The following SNAPC5 variants were observed in gnomAD, a reference collection of about 807,000 sequenced individuals.
SNAPC5 encodes the protein snRNA-activating protein complex subunit 5.
Under a neutral mutation model 9.1 loss-of-function variants are expected in SNAPC5, and 12 were observed. The observed-to-expected ratio is 1.32, with a 90% CI of 0.85 to 2.15. The LOEUF (loss-of-function observed/expected upper bound fraction) is 2.15, where lower values mean the gene tolerates loss of function less well. Ranked by LOEUF, SNAPC5 falls within the 30% of genes most tolerant of loss-of-function variation. The pLI, the probability that SNAPC5 is intolerant of heterozygous loss-of-function variation, is 0.00. For synonymous variants in SNAPC5, 52 were observed against 47.3 expected, an observed-to-expected ratio of 1.10 and a Z score of -0.41; for missense variants, 132 against 114.4, an observed-to-expected ratio of 1.15 and a Z score of -0.70.
chr15:66,491,425 G>A (rs545708663), downstream of SNAPC5: 4 of 228,146 alleles, frequency 1.8e-5, no homozygotes, highest in South Asian at 3.6e-4. Flanking sequence ...TGTAAACAAC[G>A]TGTATAGTGC....
intron 1 of SNAPC5, among the ~76,000 whole-genome samples, chr15:66,496,721 TGGCTCAC>T (rs1035071281): frequency 2.6e-5 from 4 of 152,176 alleles, no homozygotes; most frequent in African/African-American, 9.6e-5. Context: ...CCGGCCGCAG[TGGCTCAC>T]GCCTGTAATC....
At chr15:66,497,042 A>G (rs1228684934) in intron 1 of SNAPC5, 1 of 156,988 alleles carries the variant, frequency 6.4e-6, no homozygotes, top group African/African-American at 2.4e-5. Flanking sequence ...GAGGGGCTGC[A>G]TTAAGCACAG....
At position 66,494,288 on chromosome 15, in the gene SNAPC5, T is replaced by A; in HGVS notation, c.*148A>T. On this transcript the variant is annotated 3_prime_UTR_variant, in exon 3 of 3. Transcript: ENST00000316634. ...GAAGCTTGAGTTACCGATGGAGCCA[T>A]TTTTGCAACTACACATCCTCCTTAT... 3 of 650,002 alleles carry A rather than the reference T, an allele frequency of 4.6e-6. No individual in the cohort carries two copies. Among genetic ancestry groups the A allele is most frequent in the Non-Finnish European group, 8.2e-6 (3 of 363,954 alleles). 40.3% of individuals were successfully genotyped at this position (650,002 alleles called of 1,614,324 possible).
rs1893326734 is a variant in SNAPC5, at chr15:66,493,587, G to GA, written c.*848dup. 6.6e-6 allele frequency: 1 copy of GA among 152,204 alleles called. No homozygotes were observed. The highest frequency in any genetic ancestry group is 2.4e-5 in the African/African-American group (1 of 41,430). The allele number at this position is 152,204 out of a possible 1,614,324, so 9.4% of individuals were successfully genotyped here. ...AAGAATCACTTGAACCCGAGAAGGG[G>GA]AGGTTGCAGTGAGCCAAAATCGCGC... On this transcript the variant is annotated 3_prime_UTR_variant, in exon 3 of 3. Coordinates refer to ENST00000316634, the MANE Select transcript of SNAPC5 (RefSeq NM_001329615.2).
At chr15:66,495,631 G>A (rs888180373) in intron 1 of SNAPC5, among the ~76,000 whole-genome samples, 4 of 152,164 alleles carry the variant, frequency 2.6e-5, no homozygotes, top group Non-Finnish European at 4.4e-5. Context: ...CTTCTCCCCT[G>A]GGCTGAACAG....
downstream of SNAPC5, chr15:66,491,646 G>A (rs550149381): frequency 7.7e-5 from 17 of 219,908 alleles, no homozygotes; most frequent in African/African-American, 3.0e-4. Flanking sequence ...TGAGGAGGAG[G>A]CTGGAAGGCA....
chr15:66,489,921 T>C, downstream of SNAPC5: 1 of 745,578 alleles, frequency 1.3e-6, no homozygotes, highest in East Asian at 2.6e-5. Context: ...TCTCCTTTGC[T>C]CTCCCATCAG....
downstream of SNAPC5, among the ~76,000 whole-genome samples, chr15:66,492,782 C>A (rs1455194093): frequency 1.3e-5 from 2 of 151,926 alleles, no homozygotes; most frequent in African/African-American, 4.8e-5. Flanking sequence ...ACTGAGATAC[C>A]AATGATAGTT....
At chr15:66,497,561 G>A (rs772154236) in intron 1 of SNAPC5, 81 bp downstream of exon 1, 8 of 1,219,702 alleles carry the variant, frequency 6.6e-6, no homozygotes, top group Non-Finnish European at 9.8e-6. Flanking sequence ...CGCAGCAGGT[G>A]GTCACCACAG....
At chr15:66,490,570 C>T (rs150841154), downstream of SNAPC5, 468 of 1,614,206 alleles carry the variant, frequency 2.9e-4, 1 homozygote, top group African/African-American at 3.6e-3. Context: ...GCTCCACCAT[C>T]GGCCTTAACC....
chr15:66,493,663 CA>C lies in SNAPC5; in HGVS notation c.*772del, dbSNP rs1664473551. 1.3e-5 allele frequency: 2 copies of C among 151,880 alleles called. No individual in the cohort carries two copies. Among genetic ancestry groups the C allele is most frequent in the Non-Finnish European group, 2.9e-5 (2 of 67,996 alleles). The allele number at this position is 151,880 out of a possible 1,614,324, so 9.4% of individuals were successfully genotyped here. On this transcript the variant is annotated 3_prime_UTR_variant, in exon 3 of 3. Transcript: ENST00000316634. ...GAGTGAAACTCCGTCTCAAACAAAA[CA>C]AAACAAAAAACAAAACAAAAAATCC...
At chr15:66,494,843 T>C (rs779716819) in intron 2 of SNAPC5, 7 of 360,860 alleles carry the variant, frequency 1.9e-5, no homozygotes, top group Non-Finnish European at 3.0e-5. Context: ...TTAAATGTCT[T>C]AACACACAAA....
At chr15:66,494,863 A>T (rs1893374193) in intron 2 of SNAPC5, 3 of 335,332 alleles carry the variant, frequency 8.9e-6, no homozygotes, top group African/African-American at 6.3e-5. Context: ...AATCTGGGAG[A>T]ACTGCTCAAA....
chr15:66,497,603 G>C (rs1223231820), intron 1 of SNAPC5, 39 bp downstream of exon 1: 18 of 1,576,190 alleles, frequency 1.1e-5, no homozygotes, highest in Non-Finnish European at 1.6e-5. Flanking sequence ...GGTCGCTCGG[G>C]AGGAATGGAG....
downstream of SNAPC5, chr15:66,490,418 T>G (rs1893213248): frequency 3.0e-6 from 3 of 1,016,576 alleles, no homozygotes; most frequent in African/African-American, 1.6e-5. Flanking sequence ...GCTCTAGACC[T>G]GAAACTCTTG....
Position 66,494,266 on chromosome 15 carries a change from G to A in SNAPC5, c.*170C>T, listed in dbSNP as rs768190364. On this transcript the variant is annotated 3_prime_UTR_variant, in exon 3 of 3. Coordinates refer to ENST00000316634, the MANE Select transcript of SNAPC5 (RefSeq NM_001329615.2). Reference sequence around the variant, plus strand: ...TTTCTGTATGTCATAACATTCTGAAGCTTGAGTTACCGATGGAGCCATTTT... The same window carrying A: ...TTTCTGTATGTCATAACATTCTGAAACTTGAGTTACCGATGGAGCCATTTT... The A allele has an allele frequency of 5.0e-4, 318 of 639,966 alleles. 1 individual carries two copies. Among genetic ancestry groups the A allele is most frequent in the Middle Eastern group, 1.3e-3 (3 of 2,246 alleles). The allele number at this position is 639,966 out of a possible 1,614,324, so 39.6% of individuals were successfully genotyped here.
At chr15:66,495,192 C>T in intron 2 of SNAPC5, 138 bp downstream of exon 2, 1 of 710,708 alleles carries the variant, frequency 1.4e-6, no homozygotes, top group Admixed American at 2.0e-5. Context: ...CCTTATTAAA[C>T]CAGAAAACTG....
chr15:66,491,027 A>G (rs1893239637), downstream of SNAPC5: 1 of 414,170 alleles, frequency 2.4e-6, no homozygotes, highest in South Asian at 2.4e-5. Flanking sequence ...CTTTCTCTCT[A>G]GGAGGGAGCC....
In SNAPC5 at chr15:66,497,739, G is replaced by A. The variant is rs1893493432; in HGVS notation, c.-8C>T. On this transcript the variant is annotated 5_prime_UTR_variant, in exon 1 of 3. Coordinates refer to ENST00000316634, the MANE Select transcript of SNAPC5 (RefSeq NM_001329615.2). ...CTGAAGCCGGCTCAGCATGTTGCCT[G>A]GTCACATAGCCAACCTCCGGGCTGC... The A allele has an allele frequency of 2.5e-6, 4 of 1,607,316 alleles. No individual in the cohort carries two copies. The highest frequency in any genetic ancestry group is 3.4e-6 in the Non-Finnish European group (4 of 1,175,698).
Sources: allele counts gnomAD v4.1 joint callset (sites outside exome capture counted in the v4.1 genomes callset), GRCh38; gene constraint gnomAD v4.1.1; transcripts MANE v1.5; gene names NCBI Gene and HGNC (gene_info 2026-07-23, HGNC 2026-07-21).